Variants in MTMR3 observed in about 807,000 individuals in gnomAD.
MTMR3 encodes the protein myotubularin related protein 3, also known as phosphatidylinositol-3,5-bisphosphate 3-phosphatase MTMR3.
A neutral mutation model predicts 132.4 loss-of-function variants in MTMR3; 32 were observed. That is an observed-to-expected ratio of 0.24 (90% CI 0.18 to 0.32). The LOEUF (loss-of-function observed/expected upper bound fraction) is 0.32. Ranked by LOEUF, MTMR3 falls within the 10% of genes least tolerant of loss-of-function variation. The pLI is 1.00. For missense variants in MTMR3, 1,216 were observed against 1,489.6 expected, an observed-to-expected ratio of 0.82 and a Z score of 3.02; for synonymous variants, 556 against 550.3, an observed-to-expected ratio of 1.01 and a Z score of -0.14.
intron 2 of MTMR3, among the ~76,000 whole-genome samples, chr22:29,963,392 C>CTTT (rs1204239353): frequency 3.7e-5 from 5 of 135,024 alleles, no homozygotes; most frequent in Middle Eastern, 4.0e-3. Context: ...CACTTAATTC[C>CTTT]TTTTTTTTTT....
intron 3 of MTMR3, among the ~76,000 whole-genome samples, chr22:29,977,269 G>C (rs918491719): frequency 6.6e-6 from 1 of 152,156 alleles, no homozygotes; most frequent in African/African-American, 2.4e-5. Flanking sequence ...TCCAACATGG[G>C]TGACAGAGCA....
In MTMR3 at chr22:29,959,849, C is replaced by T. The variant is rs141687939; in HGVS notation, c.-85+2761C>T. 5.0e-4 allele frequency among the ~76,000 whole-genome samples: 76 copies of T among 151,252 alleles called. No homozygotes were observed. In the East Asian group the frequency reaches 0.011, roughly 22 times the overall value. ...TCATGGGTCACTGCAGCCTCGATCTCCTGGGCTCAAGTGATCCTCCCACCT... is the reference window on the plus strand; with the variant it reads ...TCATGGGTCACTGCAGCCTCGATCTTCTGGGCTCAAGTGATCCTCCCACCT... On this transcript the variant is annotated intron_variant, in intron 2 of 19. Transcript: ENST00000401950.
chr22:29,936,017 G>GC (rs975423335), intron 1 of MTMR3, among the ~76,000 whole-genome samples: 1 of 150,732 alleles, frequency 6.6e-6, no homozygotes, highest in African/African-American at 2.4e-5. Flanking sequence ...CTCCCAAAGT[G>GC]CTGGGTTTAC....
rs749067914 is a variant in MTMR3 at position 29,949,098 on chromosome 22, AACACACACACACACAC to A, written c.-137-7907_-137-7892del. On this transcript the variant is annotated intron_variant, in intron 1 of 19. Transcript: ENST00000401950. ...GGGCGACAGCGAGGCCCTGTCTTAA[AACACACACACACACAC>A]ACACACACACACACACACACACACA... Among the ~76,000 whole-genome samples, 355 of 52,148 alleles carry A rather than the reference AACACACACACACACAC, an allele frequency of 6.8e-3. 6 individuals are homozygous for A. Among genetic ancestry groups the A allele is most frequent in the African/African-American group, 0.01 (129 of 12,526 alleles). 34.2% of individuals were successfully genotyped at this position (52,148 alleles called of 152,430 possible).
intron 1 of MTMR3, among the ~76,000 whole-genome samples, chr22:29,937,686 G>A (rs932972765): frequency 6.6e-6 from 1 of 152,114 alleles, no homozygotes; most frequent in African/African-American, 2.4e-5. Context: ...ATCAAAATGC[G>A]TTTCGTAGGG....
Position 30,023,580 on chromosome 22 carries a change from G to A in MTMR3, c.3425+883G>A, listed in dbSNP as rs1601444079. 6 of 1,474,036 alleles carry A rather than the reference G, an allele frequency of 4.1e-6. No individual in the cohort carries two copies. The East Asian group carries it at 1.4e-4, about 33-fold the overall frequency. 91.3% of individuals were successfully genotyped at this position (1,474,036 alleles called of 1,614,324 possible). A position where few individuals can be genotyped will look rare whatever the true frequency, so the allele number is the denominator to read the frequency against. Reference sequence around the variant, plus strand: ...TTTCCCCCTCTCTGCACTTACTAGGGTGAAGCCTGGGGCCTTGGGTGCACA... The same window carrying A: ...TTTCCCCCTCTCTGCACTTACTAGGATGAAGCCTGGGGCCTTGGGTGCACA... On this transcript the variant is annotated intron_variant, in intron 19 of 19. Transcript: ENST00000401950.
intron 1 of MTMR3, among the ~76,000 whole-genome samples, chr22:29,929,200 G>C (rs968764294): frequency 5.9e-5 from 9 of 151,998 alleles, no homozygotes; most frequent in African/African-American, 1.9e-4. Context: ...AGAATCGCTT[G>C]AGCCTGGGAG....
intron 3 of MTMR3, among the ~76,000 whole-genome samples, chr22:29,975,705 A>AG (rs1391650674): frequency 4.6e-5 from 7 of 152,258 alleles, no homozygotes; most frequent in African/African-American, 1.7e-4. Flanking sequence ...CCTCAGGTGC[A>AG]GGTGATCCTC....
intron 19 of MTMR3, chr22:30,025,258 A>T (rs574852834): frequency 3.2e-4 from 77 of 240,126 alleles, no homozygotes; most frequent in Admixed American, 7.2e-4. Context: ...CACAAGCTAC[A>T]CAGAGGGCAT....
rs924595378 is a variant in MTMR3, at chr22:29,998,742, G to A, written c.461-19G>A. ...TGGTATTCATTTCTTCCTTTCTGCT[G>A]TTTATCTTTGGCCTCTAGGGGAGCA... On this transcript the variant is annotated intron_variant, in intron 7 of 19. Transcript: ENST00000401950. The A allele has an allele frequency of 6.3e-6, 10 of 1,595,618 alleles. No homozygotes were observed. The South Asian group carries it at 9.1e-5, about 14-fold the overall frequency.
chr22:30,010,011 T>C (rs2067372323), intron 12 of MTMR3: 1 of 152,222 alleles, frequency 6.6e-6, no homozygotes, highest in Admixed American at 6.5e-5. Flanking sequence ...ATGATTAAAT[T>C]CACCGTAGTT....
Position 30,018,370 on chromosome 22 carries a change from C to G in MTMR3, c.1820+298C>G, listed in dbSNP as rs16988200. The G allele has an allele frequency of 9.9e-3, 3,169 of 318,758 alleles. 99 individuals carry two copies. Among genetic ancestry groups the G allele is most frequent in the African/African-American group, 0.063 (2,900 of 46,262 alleles). The allele number at this position is 318,758 out of a possible 1,614,324, so 19.7% of individuals were successfully genotyped here. A position where few individuals can be genotyped will look rare whatever the true frequency, so the allele number is the denominator to read the frequency against. ...GTGACCCCCTGGTTTGTGTTTTCCC[C>G]AGTGCTCTGTGCTCCTGCCTATTTG... On this transcript the variant is annotated intron_variant, in intron 16 of 19. Transcript: ENST00000401950.
chr22:29,986,920 T>C (rs2066870731), intron 5 of MTMR3: 1 of 152,204 alleles, frequency 6.6e-6, no homozygotes, highest in Non-Finnish European at 1.5e-5. Context: ...TTTGTATTTT[T>C]AGTAGAGATG....
At chr22:29,924,287 C>T (rs888945511) in intron 1 of MTMR3, among the ~76,000 whole-genome samples, 1 of 152,106 alleles carries the variant, frequency 6.6e-6, no homozygotes, top group Admixed American at 6.5e-5. Context: ...TATGGATATC[C>T]AGTTTTCTCA....
At chr22:30,012,137 A>G in intron 12 of MTMR3, 1 of 449,360 alleles carries the variant, frequency 2.2e-6, no homozygotes, top group Non-Finnish European at 3.9e-6. Context: ...TTGGAACAAA[A>G]GGTGTGCTAT....
chr22:29,888,591 A>G lies in MTMR3; in HGVS notation c.-138+5232A>G, dbSNP rs554452719. 2.6e-5 allele frequency among the ~76,000 whole-genome samples: 4 copies of G among 152,254 alleles called. No individual in the cohort carries two copies. In the South Asian group the frequency reaches 8.3e-4, roughly 32 times the overall value. The stretch of plus-strand genomic sequence containing the variant: ...AAAGCACATGAACTTATGCTGTAAT[A>G]ATATTCTTAAGTACTCTTTTCCCTT... On this transcript the variant is annotated intron_variant, in intron 1 of 19. Transcript: ENST00000401950.
intron 1 of MTMR3, among the ~76,000 whole-genome samples, chr22:29,928,565 T>C (rs1168445365): frequency 6.6e-6 from 1 of 152,208 alleles, no homozygotes; most frequent in Non-Finnish European, 1.5e-5. Context: ...CTTTCTTCTT[T>C]TTAAATATGC....
At chr22:30,005,517 G>C (rs1272679206) in intron 9 of MTMR3, 1 of 152,194 alleles carries the variant, frequency 6.6e-6, no homozygotes, top group African/African-American at 2.4e-5. Flanking sequence ...GAGTCATTCA[G>C]CTCAGTGGTT....
intron 1 of MTMR3, among the ~76,000 whole-genome samples, chr22:29,927,966 C>T (rs1360982663): frequency 8.9e-5 from 8 of 89,512 alleles, no homozygotes; most frequent in Non-Finnish European, 1.5e-4. Context: ...TTTGAGACGA[C>T]GTCTTGCTTT....
Sources: gnomAD v4.1 joint callset for allele counts (sites outside exome capture counted in the v4.1 genomes callset) on GRCh38, gnomAD v4.1.1 for gene constraint, MANE v1.5 for transcripts, NCBI Gene and HGNC (gene_info 2026-07-23, HGNC 2026-07-21) for gene names.